Variants in CEP85L observed in about 807,000 individuals in gnomAD.
CEP85L encodes the protein centrosomal protein 85L.
CEP85L carries 60 observed loss-of-function variants against 100.3 expected under a neutral mutation model. The ratio of observed to expected loss-of-function variants is 0.60; its 90% CI spans 0.49 to 0.74. The LOEUF (loss-of-function observed/expected upper bound fraction) is 0.74. CEP85L is among the 30% of genes least tolerant of loss of function. CEP85L has a pLI of 0.00. For synonymous variants in CEP85L, 319 were observed against 322.7 expected, an observed-to-expected ratio of 0.99 and a Z score of 0.12; for missense variants, 973 against 936.2, an observed-to-expected ratio of 1.04 and a Z score of -0.51.
At chr6:118,479,427 C>T (rs1173004620) in intron 10 of CEP85L, among the ~76,000 whole-genome samples, 1 of 152,092 alleles carries the variant, frequency 6.6e-6, no homozygotes, top group Non-Finnish European at 1.5e-5. Flanking sequence ...ACTTGTTGCT[C>T]CCTTTGCTTG....
At chr6:118,701,057 A>C (rs1027554335) in intron 1 of CEP85L, among the ~76,000 whole-genome samples, 3 of 152,192 alleles carry the variant, frequency 2.0e-5, no homozygotes, top group African/African-American at 7.2e-5. Flanking sequence ...CATAATCCCA[A>C]AGCCACAGGA....
intron 4 of CEP85L, among the ~76,000 whole-genome samples, chr6:118,514,871 T>C (rs1047210043): frequency 6.6e-6 from 1 of 152,036 alleles, no homozygotes; most frequent in Non-Finnish European, 1.5e-5. Context: ...GCGGTGTGAT[T>C]AGAGCTCACT....
chr6:118,501,820 G>A, intron 5 of CEP85L: 1 of 1,278,196 alleles, frequency 7.8e-7, no homozygotes, highest in Non-Finnish European at 1.1e-6. Context: ...GAGAGAGAGA[G>A]AGAGAGAGAG....
intron 1 of CEP85L, among the ~76,000 whole-genome samples, chr6:118,693,429 T>A (rs148157879): frequency 8.1e-4 from 123 of 152,300 alleles, no homozygotes; most frequent in African/African-American, 2.8e-3. Flanking sequence ...TTTAATATTA[T>A]CAAAAAGTAA....
chr6:118,672,427 T>C lies in CEP85L; in HGVS notation c.-27-19619A>G, dbSNP rs143912086. On this transcript the variant is annotated intron_variant, in intron 1 of 13. Transcript: ENST00000368488. ...CTATGTACTCAGATGGTGCTAGCTG[T>C]TATGGACGATATAAAGATATTAATA... 5.4e-3 allele frequency among the ~76,000 whole-genome samples: 826 copies of C among 152,274 alleles called. 3 individuals carry two copies. The highest frequency in any genetic ancestry group is 8.7e-3 in the Non-Finnish European group (590 of 68,008).
At chr6:118,532,358 A>G (rs1383863748) in intron 3 of CEP85L, among the ~76,000 whole-genome samples, 2 of 151,828 alleles carry the variant, frequency 1.3e-5, no homozygotes, top group African/African-American at 4.8e-5. Flanking sequence ...CTACTTGATG[A>G]GGGGGGCGGG....
chr6:118,552,158 A>T (rs887295396), intron 3 of CEP85L, among the ~76,000 whole-genome samples: 54 of 152,034 alleles, frequency 3.6e-4, no homozygotes, highest in Non-Finnish European at 6.5e-4. Context: ...ATTCAATTTA[A>T]TAAAGTATTT....
At chr6:118,685,027 G>T (rs999817725) in intron 1 of CEP85L, among the ~76,000 whole-genome samples, 5 of 152,106 alleles carry the variant, frequency 3.3e-5, no homozygotes, top group Non-Finnish European at 5.9e-5. Context: ...AACCCTGACG[G>T]TAAAGACTAT....
Position 118,465,164 on chromosome 6 carries a change from G to C in CEP85L, c.*241C>G, listed in dbSNP as rs1282189723. ...CTACAATCAGTAGTTTGAGAATATAGACATTTTTTTCCTTGTAGATTTTAT... is the reference window on the plus strand; with the variant it reads ...CTACAATCAGTAGTTTGAGAATATACACATTTTTTTCCTTGTAGATTTTAT... On this transcript the variant is annotated 3_prime_UTR_variant, in exon 13 of 13. Coordinates refer to ENST00000368491, the MANE Select transcript of CEP85L (RefSeq NM_001042475.3). 9.2e-6 allele frequency: 4 copies of C among 434,070 alleles called. No individual in the cohort carries two copies. Among genetic ancestry groups the C allele is most frequent in the Non-Finnish European group, 1.6e-5 (4 of 242,660 alleles). 26.9% of individuals were successfully genotyped at this position (434,070 alleles called of 1,614,324 possible).
At chr6:118,652,747 C>T, upstream of CEP85L, 1 of 1,544,100 alleles carries the variant, frequency 6.5e-7, no homozygotes, top group Non-Finnish European at 8.8e-7. Flanking sequence ...ATTTAGTCTC[C>T]CTGTGGTAGA....
intron 3 of CEP85L, among the ~76,000 whole-genome samples, chr6:118,546,164 C>T (rs140703340): frequency 9.0e-4 from 137 of 152,220 alleles, no homozygotes; most frequent in African/African-American, 3.1e-3. Context: ...GAGATCATCA[C>T]CATCATCGTC....
chr6:118,676,171 T>A (rs944995241), intron 1 of CEP85L, among the ~76,000 whole-genome samples: 1 of 152,208 alleles, frequency 6.6e-6, no homozygotes, highest in African/African-American at 2.4e-5. Context: ...TATGTATACA[T>A]GGTGGAATGA....
intron 1 of CEP85L, among the ~76,000 whole-genome samples, chr6:118,682,691 A>G (rs978842434): frequency 6.7e-6 from 1 of 150,198 alleles, no homozygotes; most frequent in Admixed American, 6.6e-5. Flanking sequence ...GCTTCAAATA[A>G]TATTATGCCC....
intron 3 of CEP85L, among the ~76,000 whole-genome samples, chr6:118,558,626 T>TACACACACACACACACACACAC (rs371775061): frequency 9.0e-6 from 1 of 111,604 alleles, no homozygotes; most frequent in Non-Finnish European, 1.9e-5. Flanking sequence ...CACGTGCACA[T>TACACACACACACACACACACAC]ACACACACAC....
At chr6:118,680,114 C>T (rs1218938432) in intron 1 of CEP85L, among the ~76,000 whole-genome samples, 1 of 151,066 alleles carries the variant, frequency 6.6e-6, no homozygotes, top group African/African-American at 2.4e-5. Context: ...AGTGAGACCC[C>T]CACCCCAGCT....
chr6:118,585,898 A>G (rs1780829724), intron 2 of CEP85L, among the ~76,000 whole-genome samples: 1 of 152,156 alleles, frequency 6.6e-6, no homozygotes, highest in African/African-American at 2.4e-5. Context: ...GGCATTCAAT[A>G]CCTGCTGTAT....
intron 2 of CEP85L, 92 bp downstream of exon 2, chr6:118,632,361 A>G: frequency 5.3e-6 from 5 of 950,994 alleles, no homozygotes; most frequent in Non-Finnish European, 4.6e-6. Context: ...TATAATTTTC[A>G]GTATGAAACA....
rs531303320 is a variant in CEP85L, at chr6:118,504,727, C to T, written c.1257+6571G>A. 1.1e-4 allele frequency among the ~76,000 whole-genome samples: 17 copies of T among 152,310 alleles called. No individual in the cohort carries two copies. In the South Asian group the frequency reaches 3.3e-3, roughly 30 times the overall value. ...AGAAGCATTTGGGACTTGAAATTGG[C>T]ATCTGAAGTGGAGGGCAGTCTTGTG... is the stretch of plus-strand genomic sequence containing the variant. On this transcript the variant is annotated intron_variant, in intron 5 of 12. Coordinates refer to ENST00000368491, the MANE Select transcript of CEP85L (RefSeq NM_001042475.3).
At chr6:118,553,215 TAAA>T (rs59502810) in intron 3 of CEP85L, among the ~76,000 whole-genome samples, 10,322 of 138,870 alleles carry the variant, frequency 0.074, 456 homozygotes, top group African/African-American at 0.13. Flanking sequence ...GTTAAGAAAT[TAAA>T]AAAAAAAAAA....
Sources: allele counts gnomAD v4.1 joint callset (sites outside exome capture counted in the v4.1 genomes callset), GRCh38; gene constraint gnomAD v4.1.1; transcripts MANE v1.5; gene names NCBI Gene and HGNC (gene_info 2026-07-23, HGNC 2026-07-21).